The following RBBP5 variants were observed in gnomAD, a reference collection of about 807,000 sequenced individuals.
RBBP5 encodes RB binding protein 5, histone lysine methyltransferase complex subunit.
In RBBP5, 5 loss-of-function variants were observed where a neutral mutation model predicts 72.2. The ratio of observed to expected loss-of-function variants is 0.07; its 90% CI spans 0.04 to 0.15. The LOEUF (loss-of-function observed/expected upper bound fraction) is 0.15, where lower values mean the gene tolerates loss of function less well. RBBP5 is among the 10% of genes least tolerant of loss of function. RBBP5 has a pLI of 1.00. For synonymous variants in RBBP5, 209 were observed against 237.2 expected (o/e 0.88, Z 1.09); for missense variants, 322 against 652.2 (o/e 0.49, Z 5.51).
intron 5 of RBBP5, among the ~76,000 whole-genome samples, chr1:205,102,594 T>C (rs1012277176): frequency 2.0e-5 from 3 of 152,200 alleles, no homozygotes; most frequent in South Asian, 4.1e-4. Flanking sequence ...ATGGTGATCA[T>C]TGCACAATAG....
rs1174431143 is a variant in RBBP5 at position 205,096,918 on chromosome 1, G to A, written c.1167-7C>T. ...ATCTTCCAGCTCTTCATCACTATTT[G>A]GAGCAGGATCAGACAAGGGATTGGA... On this transcript the variant is annotated splice_polypyrimidine_tract_variant and splice_region_variant and intron_variant, in intron 11 of 13. Transcript: ENST00000264515. The A allele has an allele frequency of 6.3e-7, 1 of 1,579,266 alleles. No individual in the cohort carries two copies. The highest frequency in any genetic ancestry group is 8.6e-7 in the Non-Finnish European group (1 of 1,163,940).
chr1:205,115,552 G>A (rs1656486417), intron 2 of RBBP5, among the ~76,000 whole-genome samples: 1 of 152,070 alleles, frequency 6.6e-6, no homozygotes, highest in Non-Finnish European at 1.5e-5. Context: ...TAAAAACATT[G>A]ATCAAAACGA....
intron 2 of RBBP5, among the ~76,000 whole-genome samples, chr1:205,115,420 A>T (rs376766156): frequency 6.6e-6 from 1 of 152,240 alleles, no homozygotes; most frequent in Non-Finnish European, 1.5e-5. Context: ...AAATTATTTC[A>T]TATCAATACC....
intron 10 of RBBP5, among the ~76,000 whole-genome samples, chr1:205,098,291 C>G (rs896217304): frequency 6.6e-6 from 1 of 152,092 alleles, no homozygotes; most frequent in Non-Finnish European, 1.5e-5. Flanking sequence ...GGTTCTTGAC[C>G]CTTCTCTTAC....
intron 13 of RBBP5, among the ~76,000 whole-genome samples, chr1:205,090,043 G>A (rs1375465844): frequency 2.0e-5 from 3 of 152,034 alleles, no homozygotes; most frequent in African/African-American, 7.2e-5. Flanking sequence ...TAATAGAGAC[G>A]GGGTTTCACC....
At chr1:205,100,836 T>C (rs1655789880) in intron 6 of RBBP5, among the ~76,000 whole-genome samples, 1 of 152,150 alleles carries the variant, frequency 6.6e-6, no homozygotes, top group African/African-American at 2.4e-5. Context: ...TGGAAGACAA[T>C]TTTTCCACGG....
rs763492721 is a variant in RBBP5, at chr1:205,101,727, G to C, written c.523-18C>G. The C allele has an allele frequency of 6.5e-7, 1 of 1,545,752 alleles. No individual in the cohort carries two copies. On this transcript the variant is annotated intron_variant, in intron 5 of 13. Transcript: ENST00000264515. ...ACCAAAATCTAAAGTTTAAAGGAGG[G>C]GGGAAAAAAGTAAGTGTTCCAATAA...
chr1:205,096,482 A>G (rs952659984), intron 12 of RBBP5, among the ~76,000 whole-genome samples, 200 bp downstream of exon 12: 2 of 152,348 alleles, frequency 1.3e-5, no homozygotes, highest in East Asian at 1.9e-4. Flanking sequence ...TAGGCAAAGT[A>G]CTGAAGGGCA....
chr1:205,101,507 A>T, intron 6 of RBBP5, 93 bp downstream of exon 6: 1 of 814,908 alleles, frequency 1.2e-6, no homozygotes, highest in Non-Finnish European at 1.8e-6. Flanking sequence ...AAAAATGCTT[A>T]AGTATAATAT....
At position 205,093,480 on chromosome 1, in the gene RBBP5, ATATATAT is replaced by A. The variant is rs1217411356; in HGVS notation, c.1588+1386_1588+1392del. Among the ~76,000 whole-genome samples, 4 of 7,772 alleles carry A rather than the reference ATATATAT, an allele frequency of 5.1e-4. 1 individual carries two copies. The highest frequency in any genetic ancestry group is 1.4e-3 in the Non-Finnish European group (4 of 2,962). The allele number at this position is 7,772 out of a possible 152,430, so 5.1% of individuals were successfully genotyped here. A position where few individuals can be genotyped will look rare whatever the true frequency, so the allele number is the denominator to read the frequency against. ...TTTCAAAAAAAAAAAAAAAAAAAAA[ATATATAT>A]ATATATATATATATATATATATATA... On this transcript the variant is annotated intron_variant, in intron 13 of 13. Coordinates refer to ENST00000264515, the MANE Select transcript of RBBP5 (RefSeq NM_005057.4).
rs573353291 is a variant in RBBP5 at position 205,089,914 on chromosome 1, T to G, written c.1589-1099A>C. ...TTGCCCAGGCTGGATTGCAATGGCG[T>G]GATCTCAGCTCACTGCAACCTCCGC... On this transcript the variant is annotated intron_variant, in intron 13 of 13. Transcript: ENST00000264515. Among the ~76,000 whole-genome samples, 33 of 152,284 alleles carry G rather than the reference T, an allele frequency of 2.2e-4. No individual in the cohort carries two copies. The South Asian group carries it at 6.2e-3, about 29-fold the overall frequency.
chr1:205,109,786 AAC>A (rs1304124596), intron 3 of RBBP5, among the ~76,000 whole-genome samples: 4 of 152,164 alleles, frequency 2.6e-5, no homozygotes, highest in Non-Finnish European at 4.4e-5. Flanking sequence ...CTTTCCCAAA[AAC>A]AGATGGGTCT....
chr1:205,116,098 C>CTAT, intron 1 of RBBP5: 1 of 895,876 alleles, frequency 1.1e-6, no homozygotes, highest in Non-Finnish European at 1.6e-6. Context: ...TTTCCTGAGA[C>CTAT]TATATGACCT....
At chr1:205,104,135 T>G (rs114607410) in intron 4 of RBBP5, 116 bp from the exon 5 acceptor site, 1 of 1,102,968 alleles carries the variant, frequency 9.1e-7, no homozygotes, top group Non-Finnish European at 1.3e-6. Context: ...CCAAGCAAAT[T>G]TGAAACAGTG....
chr1:205,105,255 C>T, intron 3 of RBBP5, 87 bp from the exon 4 acceptor site: 2 of 1,442,440 alleles, frequency 1.4e-6, no homozygotes, highest in Non-Finnish European at 1.9e-6. Flanking sequence ...ACACACATTG[C>T]TGCAACTGCA....
chr1:205,108,980 T>C (rs981105039), intron 3 of RBBP5, among the ~76,000 whole-genome samples: 8 of 152,186 alleles, frequency 5.3e-5, no homozygotes, highest in African/African-American at 1.7e-4. Context: ...CAAAAAATTA[T>C]TTATATCAGA....
At chr1:205,091,600 C>G (rs780965584) in intron 13 of RBBP5, 1 of 152,210 alleles carries the variant, frequency 6.6e-6, no homozygotes, top group Non-Finnish European at 1.5e-5. Flanking sequence ...GCATACTCTC[C>G]TGTTGCAACA....
At chr1:205,093,533 T>TACACACACACACACACAC (rs372536310) in intron 13 of RBBP5, among the ~76,000 whole-genome samples, 4 of 4,874 alleles carry the variant, frequency 8.2e-4, no homozygotes, top group East Asian at 5.1e-3. Flanking sequence ...TATATATATA[T>TACACACACACACACACAC]ACACACACAC....
intron 3 of RBBP5, among the ~76,000 whole-genome samples, chr1:205,112,350 A>G (rs1157501863): frequency 6.6e-6 from 1 of 152,104 alleles, no homozygotes; most frequent in Non-Finnish European, 1.5e-5. Context: ...GTTATAAATT[A>G]TCTCATCTAT....
Sources: allele counts gnomAD v4.1 joint callset (sites outside exome capture counted in the v4.1 genomes callset), GRCh38; gene constraint gnomAD v4.1.1; transcripts MANE v1.5; gene names NCBI Gene and HGNC (gene_info 2026-07-23, HGNC 2026-07-21).